The following MYO3B variants were observed in gnomAD, a reference collection of about 807,000 sequenced individuals.
The protein encoded by MYO3B is myosin IIIB, also known as myosin-IIIb.
MYO3B carries 156 observed loss-of-function variants against 174.6 expected under a neutral mutation model. The ratio of observed to expected loss-of-function variants is 0.89; its 90% CI spans 0.78 to 1.02. MYO3B has a LOEUF of 1.02. Ranked by LOEUF, MYO3B falls within the 50% of genes least tolerant of loss-of-function variation. The pLI, the probability that MYO3B is intolerant of heterozygous loss-of-function variation, is 0.00. For synonymous variants in MYO3B, 563 were observed against 569.1 expected (o/e 0.99, Z 0.15); for missense variants, 1,632 against 1,639.4 (o/e 1.00, Z 0.08).
chr2:170,230,112 A>G (rs1344691781), intron 6 of MYO3B, among the ~76,000 whole-genome samples: 1 of 151,858 alleles, frequency 6.6e-6, no homozygotes, highest in Non-Finnish European at 1.5e-5. Context: ...CGATTATACT[A>G]CATGAATAAT....
intron 16 of MYO3B, among the ~76,000 whole-genome samples, chr2:170,396,389 G>A (rs1243007308): frequency 3.3e-5 from 5 of 152,134 alleles, no homozygotes; most frequent in African/African-American, 1.2e-4. Context: ...TTTGCCATGA[G>A]TGTAACTGAT....
At chr2:170,547,343 AAG>A (rs1491324664) in intron 32 of MYO3B, among the ~76,000 whole-genome samples, 4 of 144,244 alleles carry the variant, frequency 2.8e-5, no homozygotes, top group African/African-American at 1.0e-4. Context: ...AAAAAAAAAA[AAG>A]AAGTGTCCCT....
rs116232585 is a variant in MYO3B at position 170,326,974 on chromosome 2, T to C, written c.750-8411T>C. Among the ~76,000 whole-genome samples, 1,169 of 152,266 alleles carry C rather than the reference T, an allele frequency of 7.7e-3. 16 individuals carry two copies. Among genetic ancestry groups the C allele is most frequent in the African/African-American group, 0.026 (1,092 of 41,540 alleles). On this transcript the variant is annotated intron_variant, in intron 7 of 34. Transcript: ENST00000408978. ...TACTGACTATAGTGGTTAGGAATGG[T>C]TTATTATGAACTGGGTGATTCAATG...
At chr2:170,370,182 A>C (rs887339044) in intron 9 of MYO3B, among the ~76,000 whole-genome samples, 46 of 152,188 alleles carry the variant, frequency 3.0e-4, no homozygotes, top group African/African-American at 1.1e-3. Flanking sequence ...ACCATCCAGG[A>C]TGTAGATAAG....
chr2:170,261,100 C>G (rs140784359), intron 7 of MYO3B, among the ~76,000 whole-genome samples: 1,641 of 152,200 alleles, frequency 0.011, 32 homozygotes, highest in African/African-American at 0.038. Flanking sequence ...CTTGGCTCAC[C>G]GCAAACTCCG....
chr2:170,631,505 A>G (rs1183878251), intron 32 of MYO3B, among the ~76,000 whole-genome samples: 1 of 152,108 alleles, frequency 6.6e-6, no homozygotes, highest in East Asian at 1.9e-4. Context: ...AACTTCCCCA[A>G]CCTAGCAAGG....
At chr2:170,478,162 C>G (rs375650562) in intron 25 of MYO3B, among the ~76,000 whole-genome samples, 6 of 152,250 alleles carry the variant, frequency 3.9e-5, no homozygotes, top group Admixed American at 2.0e-4. Context: ...CGTGACCATT[C>G]CTAGCTTCAG....
At chr2:170,461,648 C>T (rs9798078) in intron 23 of MYO3B, among the ~76,000 whole-genome samples, 14 of 151,090 alleles carry the variant, frequency 9.3e-5, no homozygotes, top group Admixed American at 4.6e-4. Context: ...TGGTGGCAGG[C>T]GCCTGTAATC....
chr2:170,280,625 T>C (rs1184776756), intron 7 of MYO3B, among the ~76,000 whole-genome samples: 1 of 152,168 alleles, frequency 6.6e-6, no homozygotes, highest in Admixed American at 6.5e-5. Flanking sequence ...CATTTAAGTC[T>C]GTAATCTATC....
chr2:170,513,605 A>G (rs947247491), intron 28 of MYO3B, among the ~76,000 whole-genome samples: 4 of 152,204 alleles, frequency 2.6e-5, no homozygotes, highest in African/African-American at 9.7e-5. Context: ...GAGGTTCTGA[A>G]TGGACATGAA....
At chr2:170,529,625 G>A (rs1026839109) in intron 30 of MYO3B, among the ~76,000 whole-genome samples, 8 of 152,086 alleles carry the variant, frequency 5.3e-5, no homozygotes, top group Admixed American at 3.3e-4. Context: ...CACATTGCTG[G>A]TACCTACGTT....
chr2:170,466,810 A>C, intron 25 of MYO3B, 99 bp downstream of exon 25: 2 of 1,240,994 alleles, frequency 1.6e-6, no homozygotes, highest in Non-Finnish European at 2.2e-6. Flanking sequence ...TCTCCTCCAA[A>C]CATGTAATTG....
At chr2:170,214,330 T>A in intron 3 of MYO3B, 49 bp from the exon 4 acceptor site, 1 of 1,466,858 alleles carries the variant, frequency 6.8e-7, no homozygotes, top group Non-Finnish European at 9.4e-7. Context: ...TCTTTTCTTT[T>A]TCACATGTGG....
chr2:170,540,792 GTGCCTCAACA>G (rs1690048932), intron 30 of MYO3B, among the ~76,000 whole-genome samples: 1 of 152,188 alleles, frequency 6.6e-6, no homozygotes, highest in Non-Finnish European at 1.5e-5. Flanking sequence ...AGAATCAGTA[GTGCCTCAACA>G]TGGTACAGAG....
At chr2:170,522,501 T>A (rs2058654) in intron 30 of MYO3B, among the ~76,000 whole-genome samples, 114,537 of 152,188 alleles carry the variant, frequency 0.75, 43,412 homozygotes, top group East Asian at 0.88. Flanking sequence ...GTCTTTACAG[T>A]CCAGCTTTCA....
intron 1 of MYO3B, among the ~76,000 whole-genome samples, chr2:170,195,200 C>T (rs1481206050): frequency 2.6e-5 from 4 of 152,060 alleles, no homozygotes; most frequent in African/African-American, 7.2e-5. Context: ...AGACCCCACC[C>T]ACAGGCATGG....
chr2:170,497,439 ACT>A (rs36029260), intron 25 of MYO3B, among the ~76,000 whole-genome samples: 35,128 of 151,786 alleles, frequency 0.23, 4,918 homozygotes, highest in East Asian at 0.44. Context: ...ACATGGTGAA[ACT>A]CTGTCTGTAC....
At chr2:170,210,807 C>A (rs1265163186) in intron 3 of MYO3B, among the ~76,000 whole-genome samples, 1 of 152,170 alleles carries the variant, frequency 6.6e-6, no homozygotes, top group African/African-American at 2.4e-5. Flanking sequence ...CAGCTTTAAT[C>A]TTCCCTTTAA....
At chr2:170,334,039 G>T (rs897863283) in intron 7 of MYO3B, 5 of 152,140 alleles carry the variant, frequency 3.3e-5, no homozygotes, top group Admixed American at 6.6e-5. Flanking sequence ...TTTTCTATCT[G>T]TTTGCTTTGT....
Sources: gnomAD v4.1 joint callset for allele counts (sites outside exome capture counted in the v4.1 genomes callset) on GRCh38, gnomAD v4.1.1 for gene constraint, MANE v1.5 for transcripts, NCBI Gene and HGNC (gene_info 2026-07-23, HGNC 2026-07-21) for gene names.